The following PCDHGA7 variants were observed in gnomAD, a reference collection of about 807,000 sequenced individuals.
PCDHGA7 encodes the protein protocadherin gamma subfamily A, 7, also known as protocadherin gamma-A7.
A neutral mutation model predicts 58.3 loss-of-function variants in PCDHGA7; 44 were observed. The ratio of observed to expected loss-of-function variants is 0.75; its 90% CI spans 0.59 to 0.97. The LOEUF (loss-of-function observed/expected upper bound fraction) is 0.97, where lower values mean the gene tolerates loss of function less well. PCDHGA7 is among the 50% of genes least tolerant of loss of function. The pLI, the probability that PCDHGA7 is intolerant of heterozygous loss-of-function variation, is 0.00. For missense variants in PCDHGA7, 1,266 were observed against 1,188.7 expected (o/e 1.06, Z -0.96); for synonymous variants, 516 against 504.2 (o/e 1.02, Z -0.31).
At chr5:141,414,287 C>A (rs374229359) in intron 1 of PCDHGA7, 4 of 1,613,316 alleles carry the variant, frequency 2.5e-6, no homozygotes, top group Non-Finnish European at 3.4e-6. Flanking sequence ...ACAGTCGTAG[C>A]CCTTTTAAAT....
chr5:141,383,510 A>G lies in PCDHGA7; in HGVS notation c.611A>G (p.Glu204Gly), dbSNP rs1390731022. The G allele has an allele frequency of 6.2e-7, 1 of 1,612,804 alleles. No individual in the cohort carries two copies. Among genetic ancestry groups the G allele is most frequent in the Admixed American group, 1.7e-5 (1 of 59,850 alleles). Reference protein sequence around the residue: ...LVLERVLDREEERVHHLVLTA... With the variant: ...LVLERVLDREGERVHHLVLTA... ...CTGGAGCGGGTGCTGGACCGGGAGG[A>G]AGAGCGGGTTCACCACCTGGTCCTC... Residue 204 changes from glutamate (E) to glycine (G), a missense_variant, in exon 1 of 4, where the codon GAA becomes GGA. Transcript: ENST00000518325.
intron 1 of PCDHGA7, chr5:141,423,607 A>T (rs777606404): frequency 6.2e-7 from 1 of 1,612,176 alleles, no homozygotes; most frequent in Admixed American, 1.7e-5. Flanking sequence ...GCCACTCTTG[A>T]TAGCTGAAGA....
rs1474849292 is a variant in PCDHGA7 at position 141,454,205 on chromosome 5, G to T, written c.2425-40602G>T. Among the ~76,000 whole-genome samples, 3 of 152,154 alleles carry T rather than the reference G, an allele frequency of 2.0e-5. No individual in the cohort carries two copies. The East Asian group carries it at 5.8e-4, about 29-fold the overall frequency. ...GGAGCTTAGTGAAGGTGAATTTATT[G>T]ACATGAATGAGAAAAGTAATTGTGA... On this transcript the variant is annotated intron_variant, in intron 1 of 3. Coordinates refer to ENST00000518325, the MANE Select transcript of PCDHGA7 (RefSeq NM_018920.4).
intron 1 of PCDHGA7, chr5:141,441,945 G>A: frequency 3.0e-6 from 1 of 333,884 alleles, no homozygotes; most frequent in Non-Finnish European, 5.8e-6. Flanking sequence ...ACCACGTGCT[G>A]CAGGCCAGCA....
In PCDHGA7 at chr5:141,400,400, C is replaced by T. The variant is rs375490385; in HGVS notation, c.2424+15077C>T. On this transcript the variant is annotated intron_variant, in intron 1 of 3. Coordinates refer to ENST00000518325, the MANE Select transcript of PCDHGA7 (RefSeq NM_018920.4). ...CTATGTGTTGCACATACAGGAAAGA[C>T]GGAGTTTAATTTCCTAAAATGTAGT... 65 of 1,614,000 alleles carry T rather than the reference C, an allele frequency of 4.0e-5. No individual in the cohort carries two copies. Among genetic ancestry groups the T allele is most frequent in the South Asian group, 3.8e-4 (35 of 91,078 alleles).
At chr5:141,504,306 G>A (rs2099837315) in intron 2 of PCDHGA7, among the ~76,000 whole-genome samples, 1 of 152,076 alleles carries the variant, frequency 6.6e-6, no homozygotes, top group South Asian at 2.1e-4. Context: ...AACACTCGGA[G>A]TTTCTAAAAG....
chr5:141,478,801 T>G (rs2099477985), intron 1 of PCDHGA7: 1 of 1,463,438 alleles, frequency 6.8e-7, no homozygotes, highest in African/African-American at 1.4e-5. Flanking sequence ...TCAGCACTCT[T>G]TTGCTATCAC....
rs1281778338 is a variant in PCDHGA7, at chr5:141,512,281, G to A, written c.*1108G>A. ...TGGGTACTCCAGAGGTGCCACTGGTGGAAGGGTCAGCGGAGCCCCAGCAGG... is the reference window on the plus strand; with the variant it reads ...TGGGTACTCCAGAGGTGCCACTGGTAGAAGGGTCAGCGGAGCCCCAGCAGG... On this transcript the variant is annotated 3_prime_UTR_variant, in exon 4 of 4. Transcript: ENST00000518325. 6.5e-6 allele frequency: 1 copy of A among 152,810 alleles called. No homozygotes were observed. Among genetic ancestry groups the A allele is most frequent in the Non-Finnish European group, 1.5e-5 (1 of 68,178 alleles). The allele number at this position is 152,810 out of a possible 1,614,324, so 9.5% of individuals were successfully genotyped here.
chr5:141,509,081 A>C (rs1279221589), intron 3 of PCDHGA7, among the ~76,000 whole-genome samples: 2 of 152,160 alleles, frequency 1.3e-5, no homozygotes, highest in Non-Finnish European at 2.9e-5. Flanking sequence ...GATTTGCGAC[A>C]TGAAATGGGG....
chr5:141,414,702 A>G, intron 1 of PCDHGA7: 1 of 1,613,974 alleles, frequency 6.2e-7, no homozygotes, highest in Non-Finnish European at 8.5e-7. Context: ...CCTCATACAT[A>G]TCCATCAACT....
rs895234762 is a variant in PCDHGA7 at position 141,476,911 on chromosome 5, A to G, written c.2425-17896A>G. 4 of 1,613,972 alleles carry G rather than the reference A, an allele frequency of 2.5e-6. No individual in the cohort carries two copies. The African/African-American group carries it at 4.0e-5, about 16-fold the overall frequency. On this transcript the variant is annotated intron_variant, in intron 1 of 3. Transcript: ENST00000518325. This position sits in a 1 kb window ranked among gnomAD's most constrained non-coding sequence, Gnocchi z 7.6. ...CACCCTCCGGCACGCGCGTGGTACA[A>G]GTCCTTGCAACGGATCTGGATGAAG...
chr5:141,420,065 G>T, intron 1 of PCDHGA7: 1 of 1,614,018 alleles, frequency 6.2e-7, no homozygotes, highest in East Asian at 2.2e-5. Flanking sequence ...CTCCAAGTCC[G>T]GACCTGTGGG....
chr5:141,400,690 A>G (rs928893484), intron 1 of PCDHGA7: 6 of 790,238 alleles, frequency 7.6e-6, no homozygotes, highest in Non-Finnish European at 8.1e-6. Flanking sequence ...GTGAGTTTTT[A>G]TGTCGCATAA....
intron 1 of PCDHGA7, among the ~76,000 whole-genome samples, chr5:141,445,489 G>A (rs934531418): frequency 7.2e-5 from 11 of 152,188 alleles, no homozygotes; most frequent in Non-Finnish European, 1.3e-4. Context: ...GAGTTAATGG[G>A]CCCTATTCTA....
chr5:141,423,035 C>T (rs1220219512), intron 1 of PCDHGA7: 2 of 1,614,214 alleles, frequency 1.2e-6, no homozygotes, highest in Admixed American at 3.3e-5. Flanking sequence ...GGCCAGAACG[C>T]CTGGCTGTCC....
Position 141,477,311 on chromosome 5 carries a change from C to G in PCDHGA7, c.2425-17496C>G. 6.2e-7 allele frequency: 1 copy of G among 1,614,186 alleles called. No individual in the cohort carries two copies. The highest frequency in any genetic ancestry group is 8.5e-7 in the Non-Finnish European group (1 of 1,180,032). ...AGTTCCACCGGGTCTCCCTTTCAGC[C>G]TTACTTCTTCCCTCAAGAATTACTT... On this transcript the variant is annotated intron_variant, in intron 1 of 3. Coordinates refer to ENST00000518325, the MANE Select transcript of PCDHGA7 (RefSeq NM_018920.4). The surrounding 1 kb of genome is among the most constrained non-coding windows in gnomAD (Gnocchi z 4.9).
At chr5:141,422,498 C>T (rs1482415670) in intron 1 of PCDHGA7, 1 of 1,613,964 alleles carries the variant, frequency 6.2e-7, no homozygotes, top group Admixed American at 1.7e-5. Flanking sequence ...ATAACGTTGA[C>T]AGCCACAGAC....
Position 141,489,793 on chromosome 5 carries a change from C to T in PCDHGA7, c.2425-5014C>T, listed in dbSNP as rs749700050. On this transcript the variant is annotated intron_variant, in intron 1 of 3. Transcript: ENST00000518325. The surrounding 1 kb of genome is among the most constrained non-coding windows in gnomAD (Gnocchi z 4.5). ...CCACTTCTCTCTGAATGTGAAGACC[C>T]TAAAAGATGGGAAGCCATTCCCAGA... The T allele has an allele frequency of 6.2e-7, 1 of 1,614,044 alleles. No homozygotes were observed. Among genetic ancestry groups the T allele is most frequent in the Non-Finnish European group, 8.5e-7 (1 of 1,180,010 alleles).
Position 141,489,646 on chromosome 5 carries a change from C to G in PCDHGA7, c.2425-5161C>G, listed in dbSNP as rs1274955075. The G allele has an allele frequency of 1.2e-6, 2 of 1,614,186 alleles. No individual in the cohort carries two copies. Among genetic ancestry groups the G allele is most frequent in the Non-Finnish European group, 1.7e-6 (2 of 1,180,022 alleles). ...TGACAACTCTCCTAGCTTTGCCACC[C>G]CTGAGCGAGAGATGCGCATCTCAGA... On this transcript the variant is annotated intron_variant, in intron 1 of 3. Coordinates refer to ENST00000518325, the MANE Select transcript of PCDHGA7 (RefSeq NM_018920.4). The surrounding 1 kb of genome is among the most constrained non-coding windows in gnomAD (Gnocchi z 4.5).
Sources: gnomAD v4.1 joint callset for allele counts (sites outside exome capture counted in the v4.1 genomes callset) on GRCh38, gnomAD v4.1.1 for gene constraint, Gnocchi (gnomAD v3.1) non-coding constraint, MANE v1.5 for transcripts, NCBI Gene and HGNC (gene_info 2026-07-23, HGNC 2026-07-21) for gene names.